The following KCNB2 variants were observed in gnomAD, a reference collection of about 807,000 sequenced individuals.
The protein encoded by KCNB2 is potassium voltage-gated channel subfamily B member 2.
KCNB2 carries 15 observed loss-of-function variants against 61.5 expected under a neutral mutation model. The observed-to-expected ratio is 0.24, with a 90% CI of 0.16 to 0.38. KCNB2 has a LOEUF of 0.38. Among genes scored for constraint, KCNB2 ranks in the 10% least tolerant of loss-of-function variants. The pLI is 1.00. For missense variants in KCNB2, 828 were observed against 1,125.2 expected (o/e 0.74, Z 3.78); for synonymous variants, 457 against 446.0 (o/e 1.02, Z -0.31).
intron 2 of KCNB2, among the ~76,000 whole-genome samples, chr8:72,851,798 C>CTT (rs67080189): frequency 3.4e-4 from 33 of 96,928 alleles, no homozygotes; most frequent in Middle Eastern, 8.6e-3. Context: ...TTTCTTCTTC[C>CTT]TTTTTTTTTT....
intron 1 of KCNB2, among the ~76,000 whole-genome samples, chr8:72,545,025 T>C (rs565742218): frequency 2.6e-5 from 4 of 152,282 alleles, no homozygotes; most frequent in African/African-American, 9.6e-5. Flanking sequence ...TTCTGTATCA[T>C]GGAAAGGGAA....
intron 2 of KCNB2, among the ~76,000 whole-genome samples, chr8:72,846,772 G>A (rs2129003006): frequency 6.6e-6 from 1 of 152,224 alleles, no homozygotes; most frequent in African/African-American, 2.4e-5. Flanking sequence ...GTGCTGGAGA[G>A]GATGTGGAGA....
chr8:72,658,335 T>C (rs927394266), intron 2 of KCNB2, among the ~76,000 whole-genome samples: 6 of 152,214 alleles, frequency 3.9e-5, no homozygotes, highest in Non-Finnish European at 7.3e-5. Flanking sequence ...CCACAACATT[T>C]CCTTATGCTA....
At chr8:72,797,012 G>C (rs1809042014) in intron 2 of KCNB2, among the ~76,000 whole-genome samples, 1 of 152,116 alleles carries the variant, frequency 6.6e-6, no homozygotes, top group Admixed American at 6.6e-5. Flanking sequence ...AAAGTGCTTT[G>C]TAAATTACAA....
chr8:72,665,362 C>T (rs1806450693), intron 2 of KCNB2, among the ~76,000 whole-genome samples: 1 of 151,990 alleles, frequency 6.6e-6, no homozygotes, highest in South Asian at 2.1e-4. Flanking sequence ...GTTGTCATCA[C>T]CTGAAGTGGG....
At chr8:72,610,013 T>C (rs942920985) in intron 2 of KCNB2, among the ~76,000 whole-genome samples, 2 of 152,130 alleles carry the variant, frequency 1.3e-5, no homozygotes, top group Non-Finnish European at 2.9e-5. Context: ...AAACCTAAAA[T>C]AGATTTTTGT....
At chr8:72,924,250 T>C (rs768529160) in intron 2 of KCNB2, among the ~76,000 whole-genome samples, 1 of 152,034 alleles carries the variant, frequency 6.6e-6, no homozygotes, top group Non-Finnish European at 1.5e-5. Context: ...CACCCACCCA[T>C]CCCAGAACCT....
At chr8:72,919,818 A>G (rs913009529) in intron 2 of KCNB2, among the ~76,000 whole-genome samples, 1 of 152,260 alleles carries the variant, frequency 6.6e-6, no homozygotes, top group African/African-American at 2.4e-5. Context: ...TAGACTAAAT[A>G]TCAATGGTGG....
chr8:72,858,334 A>C (rs1008569036), intron 2 of KCNB2, among the ~76,000 whole-genome samples: 1 of 152,216 alleles, frequency 6.6e-6, no homozygotes, highest in African/African-American at 2.4e-5. Flanking sequence ...ACATAATTTC[A>C]AGATATGTCT....
chr8:72,935,818 A>T, intron 2 of KCNB2, 117 bp from the exon 3 acceptor site: 1 of 735,246 alleles, frequency 1.4e-6, no homozygotes, highest in South Asian at 1.7e-5. Flanking sequence ...CCTTCTTATA[A>T]TCTTCTTGGA....
At chr8:72,759,475 A>G (rs1371393718) in intron 2 of KCNB2, among the ~76,000 whole-genome samples, 1 of 152,154 alleles carries the variant, frequency 6.6e-6, no homozygotes, top group South Asian at 2.1e-4. Context: ...TCTCTGCTCC[A>G]ACTCTGCTGC....
At chr8:72,935,794 A>G (rs1806891846) in intron 2 of KCNB2, 141 bp from the exon 3 acceptor site, 2 of 690,664 alleles carry the variant, frequency 2.9e-6, no homozygotes, top group Non-Finnish European at 5.1e-6. Context: ...AGGGAATTTT[A>G]AGTTGTAAAA....
At position 72,937,211 on chromosome 8, in the gene KCNB2, C is replaced by T. The variant is rs774227848; in HGVS notation, c.1856C>T (p.Ser619Leu). 35 of 1,613,898 alleles carry T rather than the reference C, an allele frequency of 2.2e-5. No individual in the cohort carries two copies. Among genetic ancestry groups the T allele is most frequent in the South Asian group, 7.7e-5 (7 of 91,082 alleles). ...CATDFTETERSPLPPPSASHL... is the reference protein window; with the variant it reads ...CATDFTETERLPLPPPSASHL... ...ACCGACTTCACAGAGACAGAGAGAT[C>T]GCCGCTGCCGCCGCCCTCCGCCTCT... The change falls in exon 3 of 3, where the codon TCG becomes TTG. Residue 619 changes from serine (S) to leucine (L), a missense_variant. This residue lies in a region of KCNB2 where 559 missense variants were observed against 588.4 expected (regional missense o/e 0.95). Transcript: ENST00000523207.
intron 2 of KCNB2, among the ~76,000 whole-genome samples, chr8:72,762,384 C>T (rs1414646640): frequency 6.6e-6 from 1 of 152,204 alleles, no homozygotes; most frequent in Admixed American, 6.5e-5. Flanking sequence ...TTGCTGAAAG[C>T]AAAACTGAGA....
intron 2 of KCNB2, among the ~76,000 whole-genome samples, chr8:72,904,987 G>A (rs1806151497): frequency 6.6e-6 from 1 of 152,046 alleles, no homozygotes; most frequent in Non-Finnish European, 1.5e-5. Flanking sequence ...ATGAGAGACA[G>A]CTATAAGTGA....
intron 2 of KCNB2, among the ~76,000 whole-genome samples, chr8:72,791,830 G>T (rs1396725951): frequency 6.6e-6 from 1 of 152,166 alleles, no homozygotes; most frequent in Non-Finnish European, 1.5e-5. Context: ...GTAAAGAAAA[G>T]AAAAGACCTC....
intron 1 of KCNB2, among the ~76,000 whole-genome samples, chr8:72,543,569 CT>C (rs1269453504): frequency 6.6e-6 from 1 of 152,212 alleles, no homozygotes; most frequent in Non-Finnish European, 1.5e-5. Flanking sequence ...GGTGACATAA[CT>C]TCCCAAAATC....
rs544242357 is a variant in KCNB2, at chr8:72,928,051, C to A, written c.580-7884C>A. Among the ~76,000 whole-genome samples, 7 of 152,234 alleles carry A rather than the reference C, an allele frequency of 4.6e-5. No homozygotes were observed. The East Asian group carries it at 1.4e-3, about 29-fold the overall frequency. ...GAGTGTTATAGAATCTGAATAGAGCCATAAATACTCTGGTGTAAAAATTCA... is the reference window on the plus strand; with the variant it reads ...GAGTGTTATAGAATCTGAATAGAGCAATAAATACTCTGGTGTAAAAATTCA... On this transcript the variant is annotated intron_variant, in intron 2 of 2. Coordinates refer to ENST00000523207, the MANE Select transcript of KCNB2 (RefSeq NM_004770.3).
At chr8:72,807,027 C>T (rs1809236192) in intron 2 of KCNB2, among the ~76,000 whole-genome samples, 1 of 152,048 alleles carries the variant, frequency 6.6e-6, no homozygotes, top group Non-Finnish European at 1.5e-5. Flanking sequence ...TAAAGATTGG[C>T]ATGAAGGAAA....
Sources: allele counts gnomAD v4.1 joint callset (sites outside exome capture counted in the v4.1 genomes callset), GRCh38; gene constraint gnomAD v4.1.1; regional missense constraint gnomAD v4.1.1; transcripts MANE v1.5; gene names NCBI Gene and HGNC (gene_info 2026-07-23, HGNC 2026-07-21).